The following SCN9A variants were observed in gnomAD, a reference collection of about 807,000 sequenced individuals.
SCN9A encodes the protein sodium voltage-gated channel alpha subunit 9, also known as sodium channel protein type 9 subunit alpha.
A neutral mutation model predicts 187.0 loss-of-function variants in SCN9A; 131 were observed. That is an observed-to-expected ratio of 0.70 (90% CI 0.61 to 0.81). The LOEUF is 0.81. Ranked by LOEUF, SCN9A falls within the 30% of genes least tolerant of loss-of-function variation. The pLI is 0.00. For synonymous variants in SCN9A, 809 were observed against 808.6 expected, an observed-to-expected ratio of 1.00 and a Z score of -0.01; for missense variants, 2,252 against 2,396.6, an observed-to-expected ratio of 0.94 and a Z score of 1.26.
intron 26 of SCN9A, among the ~76,000 whole-genome samples, chr2:166,200,249 G>C (rs886330681): frequency 1.3e-5 from 2 of 151,018 alleles, no homozygotes; most frequent in Non-Finnish European, 3.0e-5. Flanking sequence ...CGCCCGCCTC[G>C]GCCTCCCAAA....
chr2:166,235,854 A>G (rs1017656741), intron 20 of SCN9A, among the ~76,000 whole-genome samples: 2 of 146,078 alleles, frequency 1.4e-5, no homozygotes, highest in Non-Finnish European at 2.9e-5. Flanking sequence ...TGCACATTAC[A>G]TACCCCTGAA....
In SCN9A at chr2:166,251,950, G is replaced by A. The variant is rs1574808676; in HGVS notation, c.3352-65C>T. The A allele has an allele frequency of 1.2e-5, 19 of 1,559,142 alleles. No individual in the cohort carries two copies. The East Asian group carries it at 3.9e-4, about 32-fold the overall frequency. ...GAGTTCATTCAAATATGATATTTAA[G>A]CCTTATTTAATAATCAGACTCATGC... On this transcript the variant is annotated intron_variant, in intron 17 of 26. Transcript: ENST00000642356.
intron 1 of SCN9A, among the ~76,000 whole-genome samples, chr2:166,353,659 G>A (rs1559058521): frequency 6.6e-6 from 1 of 152,106 alleles, no homozygotes. Flanking sequence ...CCTCTTGTAT[G>A]AAAAGATCTG....
rs1385823891 is a variant in SCN9A at position 166,276,901 on chromosome 2, A to G, written c.2874+82T>C. On this transcript the variant is annotated intron_variant, in intron 16 of 26. Transcript: ENST00000642356. ...AATAATTGTAGATATAATTAATTAT[A>G]AAATTATAAAAATAATAGATCACAT... is the stretch of plus-strand genomic sequence containing the variant. 6 of 1,024,652 alleles carry G rather than the reference A, an allele frequency of 5.9e-6. No homozygotes were observed. The African/African-American group carries it at 8.4e-5, about 14-fold the overall frequency. 63.5% of individuals were successfully genotyped at this position (1,024,652 alleles called of 1,614,324 possible). A position where few individuals can be genotyped will look rare whatever the true frequency, so the allele number is the denominator to read the frequency against.
At chr2:166,287,830 A>T (rs1697840383) in intron 10 of SCN9A, among the ~76,000 whole-genome samples, 1 of 151,718 alleles carries the variant, frequency 6.6e-6, no homozygotes, top group African/African-American at 2.4e-5. Flanking sequence ...ACAAAACATG[A>T]TGCACTGTTT....
At chr2:166,206,003 G>A (rs568964612) in intron 24 of SCN9A, among the ~76,000 whole-genome samples, 1 of 152,256 alleles carries the variant, frequency 6.6e-6, no homozygotes, top group South Asian at 2.1e-4. Context: ...TCACTAAAAA[G>A]TCAGGAAACA....
intron 18 of SCN9A, among the ~76,000 whole-genome samples, chr2:166,243,459 A>G (rs1169477638): frequency 6.6e-6 from 1 of 152,054 alleles, no homozygotes; most frequent in African/African-American, 2.4e-5. Flanking sequence ...GTCAGGGTTC[A>G]TTTTGATAGC....
At chr2:166,205,568 A>ACTC (rs1366917721) in intron 24 of SCN9A, among the ~76,000 whole-genome samples, 1 of 152,086 alleles carries the variant, frequency 6.6e-6, no homozygotes, top group Non-Finnish European at 1.5e-5. Context: ...CCTAGAAGAA[A>ACTC]CTCTAGGCAA....
chr2:166,220,633 G>T (rs950855348), intron 24 of SCN9A, among the ~76,000 whole-genome samples: 1 of 152,086 alleles, frequency 6.6e-6, no homozygotes, highest in African/African-American at 2.4e-5. Flanking sequence ...TTCTGTTATA[G>T]TAGCACAAAT....
intron 24 of SCN9A, among the ~76,000 whole-genome samples, chr2:166,225,293 C>T (rs1392833286): frequency 6.6e-6 from 1 of 152,134 alleles, no homozygotes; most frequent in Non-Finnish European, 1.5e-5. Flanking sequence ...CCTTCCAAAG[C>T]CTTCTCAATT....
intron 9 of SCN9A, 75 bp downstream of exon 9, chr2:166,293,156 C>A: frequency 7.4e-7 from 1 of 1,354,172 alleles, no homozygotes; most frequent in Non-Finnish European, 1.0e-6. Context: ...AAAAAACCTC[C>A]TAATACAGGC....
intron 18 of SCN9A, among the ~76,000 whole-genome samples, chr2:166,245,063 T>C (rs1191150591): frequency 1.3e-5 from 2 of 152,072 alleles, no homozygotes; most frequent in Non-Finnish European, 2.9e-5. Flanking sequence ...ATGAGTAAAG[T>C]TCTGACATAT....
At chr2:166,295,481 G>A (rs865784940) in intron 7 of SCN9A, among the ~76,000 whole-genome samples, 3 of 152,068 alleles carry the variant, frequency 2.0e-5, no homozygotes, top group South Asian at 2.1e-4. Context: ...TATTGCTCCT[G>A]GGCTGCAAAC....
In SCN9A at chr2:166,281,771, CTA is replaced by C; in HGVS notation, c.2010_2011del (p.Cys670TrpfsTer12). 1 of 1,613,010 alleles carries C rather than the reference CTA, an allele frequency of 6.2e-7. No individual in the cohort carries two copies. The highest frequency in any genetic ancestry group is 8.5e-7 in the Non-Finnish European group (1 of 1,179,432). ...CATATCCTCTGAAAGGAGATAGGAA[CTA>C]CAACGCCTTTTCTTGTGTATTTGAT... is the stretch of plus-strand genomic sequence containing the variant. On this transcript the variant is annotated frameshift_variant, in exon 13 of 27. Transcript: ENST00000642356. LOFTEE classifies it high-confidence loss of function.
At chr2:166,281,484 TA>T (rs1290725421) in intron 13 of SCN9A, among the ~76,000 whole-genome samples, 194 bp downstream of exon 13, 1 of 152,138 alleles carries the variant, frequency 6.6e-6, no homozygotes, top group Non-Finnish European at 1.5e-5. Flanking sequence ...CTGTGTTTAA[TA>T]GCAAATAATT....
At position 166,286,316 on chromosome 2, in the gene SCN9A, T is replaced by A. The variant is rs771344749; in HGVS notation, c.1602+20A>T. The A allele has an allele frequency of 6.3e-7, 1 of 1,591,528 alleles. No homozygotes were observed. Among genetic ancestry groups the A allele is most frequent in the Non-Finnish European group, 8.5e-7 (1 of 1,171,190 alleles). ...AGCATTCTGCCTCGGGTGATACACA[T>A]TTAGCAATTTGGGTGGTACCTGATT... On this transcript the variant is annotated intron_variant, in intron 11 of 26. Coordinates refer to ENST00000642356, the MANE Select transcript of SCN9A (RefSeq NM_001365536.1).
intron 1 of SCN9A, among the ~76,000 whole-genome samples, chr2:166,323,506 T>C (rs1051371671): frequency 6.6e-6 from 1 of 151,926 alleles, no homozygotes; most frequent in African/African-American, 2.4e-5. Context: ...AAATTGTAAA[T>C]CCTCTAAAAA....
chr2:166,223,351 C>G (rs928025479), intron 24 of SCN9A, among the ~76,000 whole-genome samples: 16 of 152,180 alleles, frequency 1.1e-4, no homozygotes, highest in Non-Finnish European at 2.1e-4. Context: ...TATTTGTATA[C>G]CTGCATGTGC....
chr2:166,363,588 G>A (rs2105318980), intron 1 of SCN9A, among the ~76,000 whole-genome samples: 1 of 152,036 alleles, frequency 6.6e-6, no homozygotes, highest in East Asian at 1.9e-4. Flanking sequence ...GAAGGCACAT[G>A]TTCAGAGTAA....
Sources: allele counts gnomAD v4.1 joint callset (sites outside exome capture counted in the v4.1 genomes callset), GRCh38; gene constraint gnomAD v4.1.1; transcripts MANE v1.5; gene names NCBI Gene and HGNC (gene_info 2026-07-23, HGNC 2026-07-21).